Variants in VWF observed in about 807,000 individuals in gnomAD.
The protein encoded by VWF is Factor VIII related antigen.
VWF carries 176 observed loss-of-function variants against 308.6 expected under a neutral mutation model. That is an observed-to-expected ratio of 0.57 (90% CI 0.50 to 0.65). The LOEUF (loss-of-function observed/expected upper bound fraction) is 0.65. Ranked by LOEUF, VWF falls within the 30% of genes least tolerant of loss-of-function variation. The pLI is 0.00. For synonymous variants in VWF, 1,385 were observed against 1,443.4 expected, an observed-to-expected ratio of 0.96 and a Z score of 0.92; for missense variants, 3,146 against 3,648.2, an observed-to-expected ratio of 0.86 and a Z score of 3.55.
chr12:6,104,432 A>G (rs1248732646), intron 5 of VWF, among the ~76,000 whole-genome samples: 2 of 151,986 alleles, frequency 1.3e-5, no homozygotes, highest in African/African-American at 4.8e-5. Flanking sequence ...TCACACCTGT[A>G]ATCCCAGCAC....
intron 34 of VWF, among the ~76,000 whole-genome samples, chr12:6,010,238 C>T (rs1943979125): frequency 6.6e-6 from 1 of 152,110 alleles, no homozygotes; most frequent in African/African-American, 2.4e-5. Flanking sequence ...TAACCTCACT[C>T]ATCATTAGAG....
rs1944166744 is a variant in VWF, at chr12:6,024,340, C to CA, written c.3223-554_3223-553insT. On this transcript the variant is annotated intron_variant, in intron 24 of 51. Coordinates refer to ENST00000261405, the MANE Select transcript of VWF (RefSeq NM_000552.5). The surrounding 1 kb of genome is among the most constrained non-coding windows in gnomAD (Gnocchi z 4.0). ...CCAACCCTTCCTCATCCCCAAAACA[C>CA]GCCTCTAAACACACTGGACTTTTTC... 6.6e-6 allele frequency among the ~76,000 whole-genome samples: 1 copy of CA among 152,212 alleles called. No homozygotes were observed. The highest frequency in any genetic ancestry group is 6.5e-5 in the Admixed American group (1 of 15,286).
intron 5 of VWF, chr12:6,096,044 C>T (rs1337304807): frequency 8.6e-6 from 2 of 231,652 alleles, no homozygotes; most frequent in African/African-American, 2.3e-5. Context: ...CTCAACCTAA[C>T]ACCACAGGGC....
At chr12:6,069,207 T>C (rs1039927673) in intron 10 of VWF, among the ~76,000 whole-genome samples, 2 of 152,092 alleles carry the variant, frequency 1.3e-5, no homozygotes. Flanking sequence ...ATTGCTCCTA[T>C]GAAGTGCTCA....
At chr12:6,008,002 A>C (rs1943949044) in intron 34 of VWF, among the ~76,000 whole-genome samples, 1 of 152,202 alleles carries the variant, frequency 6.6e-6, no homozygotes, top group Non-Finnish European at 1.5e-5. Context: ...ATGAATAAAC[A>C]GAAAATCTGA....
At chr12:5,962,542 T>C (rs1253096891) in intron 47 of VWF, among the ~76,000 whole-genome samples, 1 of 127,786 alleles carries the variant, frequency 7.8e-6, no homozygotes, top group Non-Finnish European at 1.6e-5. Flanking sequence ...GCAATTCTTT[T>C]TTTTTTTTTT....
chr12:5,968,226 G>A (rs374381399), intron 45 of VWF, 59 bp from the exon 46 acceptor site: 108 of 1,605,468 alleles, frequency 6.7e-5, no homozygotes, highest in Middle Eastern at 1.7e-4. Context: ...TGAGACCGGC[G>A]AGCAGGCTGC....
intron 50 of VWF, 60 bp downstream of exon 50, chr12:5,951,784 A>G (rs1565806565): frequency 6.3e-7 from 1 of 1,587,100 alleles, no homozygotes; most frequent in East Asian, 2.2e-5. Context: ...GCAAGCTGCA[A>G]AGAGCCCCTG....
At chr12:6,076,852 C>T (rs1565854653) in intron 6 of VWF, among the ~76,000 whole-genome samples, 1 of 152,226 alleles carries the variant, frequency 6.6e-6, no homozygotes, top group African/African-American at 2.4e-5. Flanking sequence ...TGCGGCGCCA[C>T]AGAAAGCCCA....
rs772534075 is a variant in VWF, at chr12:6,034,819, G to A, written c.2554C>T (p.Gln852Ter). Residue 852 changes from glutamine to a stop codon, truncating the protein, a stop_gained, in exon 20 of 52, where the codon CAG becomes TAG. Coordinates refer to ENST00000261405, the MANE Select transcript of VWF (RefSeq NM_000552.5). LOFTEE classifies it high-confidence loss of function. ...VKIGCNTCVC[Q>*]DRKWNCTDHV... ...TCTGTGCAGTTCCACTTCCGGTCCT[G>A]ACAGACACTAGGAGCAGTCATGGCA... The A allele has an allele frequency of 1.6e-5, 26 of 1,614,018 alleles. No homozygotes were observed. Among genetic ancestry groups the A allele is most frequent in the African/African-American group, 2.7e-5 (2 of 74,922 alleles).
At chr12:6,025,810 C>T (rs2136420696) in intron 23 of VWF, 96 bp downstream of exon 23, 2 of 1,606,058 alleles carry the variant, frequency 1.2e-6, no homozygotes, top group South Asian at 1.1e-5. Flanking sequence ...GTCATACCAC[C>T]CACAACCCCC....
intron 6 of VWF, among the ~76,000 whole-genome samples, chr12:6,076,847 C>A (rs775529295): frequency 6.6e-6 from 1 of 152,178 alleles, no homozygotes; most frequent in African/African-American, 2.4e-5. Flanking sequence ...TGTTTTGCGG[C>A]GCCACAGAAA....
intron 6 of VWF, among the ~76,000 whole-genome samples, chr12:6,091,186 G>A (rs1300637436): frequency 6.6e-6 from 1 of 151,042 alleles, no homozygotes; most frequent in Admixed American, 6.7e-5. Context: ...TTCTGGGTCT[G>A]ACATTCTCCT....
At chr12:6,106,779 A>C (rs1379039403) in intron 5 of VWF, among the ~76,000 whole-genome samples, 2 of 150,896 alleles carry the variant, frequency 1.3e-5, no homozygotes, top group African/African-American at 4.9e-5. Flanking sequence ...GGAAGCTGAG[A>C]CTGGAGAATT....
Position 6,026,022 on chromosome 12 carries a change from T to G in VWF, c.2992A>C (p.Asn998His), listed in dbSNP as rs1438192210. 6.2e-7 allele frequency: 1 copy of G among 1,613,734 alleles called. No homozygotes were observed. The highest frequency in any genetic ancestry group is 8.5e-7 in the Non-Finnish European group (1 of 1,179,852). Reference sequence around the variant, plus strand: ...TCATTGTTCTGGATGCCATCAAAATTCCCACACAGGCCACACACTTTCTCC... The same window carrying G: ...TCATTGTTCTGGATGCCATCAAAATGCCCACACAGGCCACACACTTTCTCC... ...YQEKVCGLCG[N>H]FDGIQNNDLT... Residue 998 changes from asparagine to histidine, a missense_variant, in exon 23 of 52, where the codon AAT becomes CAT. This residue lies in a region of VWF where 1,304 missense variants were observed against 1,353.0 expected (regional missense o/e 0.96). Coordinates refer to ENST00000261405, the MANE Select transcript of VWF (RefSeq NM_000552.5).
Position 6,024,518 on chromosome 12 carries a change from C to A in VWF, c.3223-731G>T, listed in dbSNP as rs1944168164. Among the ~76,000 whole-genome samples, 1 of 152,230 alleles carries A rather than the reference C, an allele frequency of 6.6e-6. No individual in the cohort carries two copies. The highest frequency in any genetic ancestry group is 1.5e-5 in the Non-Finnish European group (1 of 68,044). ...CACCAAACCAGGGAATGTAAGTATC[C>A]TTTGGAGTCCTCAGAGACCGAAAAT... is the stretch of plus-strand genomic sequence containing the variant. On this transcript the variant is annotated intron_variant, in intron 24 of 51. Transcript: ENST00000261405. The surrounding 1 kb of genome is among the most constrained non-coding windows in gnomAD (Gnocchi z 4.0).
chr12:6,099,296 G>C (rs1342132907), intron 5 of VWF, among the ~76,000 whole-genome samples: 3 of 147,882 alleles, frequency 2.0e-5, no homozygotes, highest in African/African-American at 7.6e-5. Context: ...TCCAGCCTGG[G>C]GGACAGAGCA....
chr12:6,062,684 T>C (rs1228958935), intron 13 of VWF, among the ~76,000 whole-genome samples: 2 of 152,018 alleles, frequency 1.3e-5, no homozygotes, highest in African/African-American at 2.4e-5. Flanking sequence ...GCAAACCTGC[T>C]CCTTCCCCAG....
rs1289136602 is a variant in VWF at position 6,023,822 on chromosome 12, G to A, written c.3223-35C>T. On this transcript the variant is annotated intron_variant, in intron 24 of 51. Coordinates refer to ENST00000261405, the MANE Select transcript of VWF (RefSeq NM_000552.5). ...CAGCCTCAGGTGGCCCAGGCCTATGGCCAGGTGTCAGGAACTCTGGCTCTT... is the reference window on the plus strand; with the variant it reads ...CAGCCTCAGGTGGCCCAGGCCTATGACCAGGTGTCAGGAACTCTGGCTCTT... The A allele has an allele frequency of 4.4e-6, 7 of 1,607,972 alleles. No individual in the cohort carries two copies. The Admixed American group carries it at 5.1e-5, about 12-fold the overall frequency.
Sources: allele counts gnomAD v4.1 joint callset (sites outside exome capture counted in the v4.1 genomes callset), GRCh38; gene constraint gnomAD v4.1.1; regional missense constraint gnomAD v4.1.1; non-coding constraint Gnocchi (gnomAD v3.1); transcripts MANE v1.5; gene names NCBI Gene and HGNC (gene_info 2026-07-23, HGNC 2026-07-21).